Variants in ELAVL4 observed in about 807,000 individuals in gnomAD.
The protein encoded by ELAVL4 is ELAV like RNA binding protein 4.
In ELAVL4, 1 loss-of-function variant was observed where a neutral mutation model predicts 35.6. The observed-to-expected ratio is 0.03, with a 90% CI of 0.01 to 0.13. The LOEUF (loss-of-function observed/expected upper bound fraction) is 0.13, where lower values mean the gene tolerates loss of function less well. ELAVL4 is among the 10% of genes least tolerant of loss of function. ELAVL4 has a pLI of 1.00. For missense variants in ELAVL4, 267 were observed against 464.9 expected (o/e 0.57, Z 3.91); for synonymous variants, 156 against 171.0 (o/e 0.91, Z 0.69).
intron 1 of ELAVL4, among the ~76,000 whole-genome samples, chr1:50,049,328 T>C (rs992712692): frequency 2.6e-5 from 4 of 152,184 alleles, no homozygotes; most frequent in African/African-American, 9.7e-5. Context: ...ACTTGCAAAT[T>C]GACACTGAAC....
intron 3 of ELAVL4, chr1:50,180,715 G>C (rs1680891482): frequency 6.6e-6 from 1 of 152,126 alleles, no homozygotes; most frequent in Non-Finnish European, 1.5e-5. Flanking sequence ...ACACATCTTG[G>C]AGATCAGGCT....
At chr1:50,116,147 T>G (rs754574247) in intron 1 of ELAVL4, among the ~76,000 whole-genome samples, 3 of 152,130 alleles carry the variant, frequency 2.0e-5, no homozygotes, top group Non-Finnish European at 4.4e-5. Flanking sequence ...AATATAGAAG[T>G]TTGGACTGTT....
chr1:50,171,055 A>T (rs1678912928), intron 2 of ELAVL4, among the ~76,000 whole-genome samples: 1 of 152,148 alleles, frequency 6.6e-6, no homozygotes, highest in Admixed American at 6.6e-5. Flanking sequence ...AAAACCCCAC[A>T]TACTTAGTTT....
intron 1 of ELAVL4, among the ~76,000 whole-genome samples, chr1:50,128,631 A>C (rs1670348618): frequency 6.6e-6 from 1 of 152,132 alleles, no homozygotes. Context: ...GACAAAGGTA[A>C]GAGCCATGAT....
intron 1 of ELAVL4, among the ~76,000 whole-genome samples, chr1:50,130,489 C>T (rs959206438): frequency 5.3e-5 from 8 of 152,160 alleles, no homozygotes; most frequent in Non-Finnish European, 1.2e-4. Flanking sequence ...CTCACCATTT[C>T]TTATTAGTAC....
intron 1 of ELAVL4, among the ~76,000 whole-genome samples, chr1:50,072,700 A>C (rs1664586299): frequency 6.6e-6 from 1 of 152,244 alleles, no homozygotes; most frequent in African/African-American, 2.4e-5. Context: ...TAATCCTGAT[A>C]TAAAGATTGA....
intron 1 of ELAVL4, among the ~76,000 whole-genome samples, chr1:50,129,991 G>T (rs1027600200): frequency 6.6e-6 from 1 of 152,120 alleles, no homozygotes; most frequent in African/African-American, 2.4e-5. Context: ...AACTTAAATT[G>T]CACTGCAGAG....
intron 1 of ELAVL4, among the ~76,000 whole-genome samples, chr1:50,111,151 G>A (rs185181478): frequency 6.6e-6 from 1 of 151,816 alleles, no homozygotes; most frequent in African/African-American, 2.4e-5. Flanking sequence ...GTGCGTGTGT[G>A]TGTGCGCGTG....
intron 3 of ELAVL4, among the ~76,000 whole-genome samples, chr1:50,177,517 C>T (rs1254672717): frequency 6.6e-6 from 1 of 152,180 alleles, no homozygotes; most frequent in African/African-American, 2.4e-5. Context: ...AAGGCTGAGG[C>T]CAGGAAGCTG....
At chr1:50,108,883 G>A, upstream of ELAVL4, 1 of 1,047,024 alleles carries the variant, frequency 9.6e-7, no homozygotes, top group Non-Finnish European at 1.1e-6. Flanking sequence ...TCGGCTGACA[G>A]ATGGTCCCAT....
At chr1:50,167,156 G>A (rs1005790861) in intron 2 of ELAVL4, among the ~76,000 whole-genome samples, 4 of 152,136 alleles carry the variant, frequency 2.6e-5, no homozygotes, top group African/African-American at 9.7e-5. Context: ...CTTTGCCCCA[G>A]CCCTGCAAAA....
intron 1 of ELAVL4, among the ~76,000 whole-genome samples, chr1:50,060,419 A>C (rs1663899199): frequency 6.6e-6 from 1 of 152,190 alleles, no homozygotes; most frequent in Admixed American, 6.5e-5. Context: ...AGCAGCTCAA[A>C]CTACATCAAT....
chr1:50,194,185 C>G (rs969423425), intron 4 of ELAVL4, among the ~76,000 whole-genome samples: 2 of 152,206 alleles, frequency 1.3e-5, no homozygotes, highest in African/African-American at 4.8e-5. Context: ...AGGCATCAGG[C>G]TGAGAGTGGA....
At chr1:50,049,075 A>G (rs1663221992) in intron 1 of ELAVL4, among the ~76,000 whole-genome samples, 2 of 152,168 alleles carry the variant, frequency 1.3e-5, no homozygotes, top group South Asian at 2.1e-4. Context: ...GGTTTGGGGG[A>G]AAATGAGTCA....
At chr1:50,129,481 T>G (rs1557746455) in intron 1 of ELAVL4, among the ~76,000 whole-genome samples, 1 of 152,144 alleles carries the variant, frequency 6.6e-6, no homozygotes, top group Non-Finnish European at 1.5e-5. Flanking sequence ...TTATTAACAT[T>G]TGAAGTACCT....
intron 6 of ELAVL4, among the ~76,000 whole-genome samples, chr1:50,199,505 A>G (rs1465585641): frequency 6.6e-6 from 1 of 152,232 alleles, no homozygotes; most frequent in Non-Finnish European, 1.5e-5. Context: ...CAGAAGTTCA[A>G]GACCAGCCTG....
intron 1 of ELAVL4, chr1:50,144,614 A>G: frequency 2.0e-6 from 1 of 487,856 alleles, no homozygotes; most frequent in Non-Finnish European, 3.9e-6. Context: ...CATGATTATT[A>G]CTTTACATTT....
At chr1:50,101,613 A>G (rs985260423), upstream of ELAVL4, among the ~76,000 whole-genome samples, 76 of 151,552 alleles carry the variant, frequency 5.0e-4, no homozygotes, top group African/African-American at 1.6e-3. Flanking sequence ...ATTTCAACAA[A>G]TATTTACTAA....
intron 1 of ELAVL4, chr1:50,048,239 G>T: frequency 1.6e-5 from 23 of 1,456,150 alleles, no homozygotes; most frequent in Non-Finnish European, 2.0e-5. Context: ...CTCTGTTACG[G>T]ACACCCGCTG....
Sources: allele counts gnomAD v4.1 joint callset (sites outside exome capture counted in the v4.1 genomes callset), GRCh38; gene constraint gnomAD v4.1.1; transcripts MANE v1.5; gene names NCBI Gene and HGNC (gene_info 2026-07-23, HGNC 2026-07-21).